The following ZNF420 variants were observed in gnomAD, a reference collection of about 807,000 sequenced individuals.
ZNF420 encodes ATM and p53-associated KZNF protein.
Under a neutral mutation model 44.7 loss-of-function variants are expected in ZNF420, and 31 were observed. The ratio of observed to expected loss-of-function variants is 0.69; its 90% confidence interval spans 0.52 to 0.94. The LOEUF is 0.94. ZNF420 is among the 40% of genes least tolerant of loss of function. ZNF420 has a pLI of 0.00. For missense variants in ZNF420, 681 were observed against 827.9 expected (o/e 0.82, Z 2.18); for synonymous variants, 245 against 267.4 (o/e 0.92, Z 0.82).
chr19:37,117,200 C>T (rs534088352), intron 4 of ZNF420, among the ~76,000 whole-genome samples: 2,594 of 152,276 alleles, frequency 0.017, 78 homozygotes, highest in African/African-American at 0.059. Flanking sequence ...TGGGAGGCAC[C>T]CCCCAGTAGG....
At chr19:37,080,540 G>C (rs1400513046) in intron 2 of ZNF420, among the ~76,000 whole-genome samples, 152 bp downstream of exon 2, 1 of 152,260 alleles carries the variant, frequency 6.6e-6, no homozygotes, top group African/African-American at 2.4e-5. Context: ...GCCATTAATC[G>C]GGATAGATGC....
Position 37,128,269 on chromosome 19 carries a change from A to T in ZNF420, c.1278A>T (p.Lys426Asn). The T allele has an allele frequency of 6.2e-7, 1 of 1,612,882 alleles. No homozygotes were observed. The highest frequency in any genetic ancestry group is 8.5e-7 in the Non-Finnish European group (1 of 1,179,622). The change falls in exon 5 of 5, where the codon AAA becomes AAT. Residue 426 changes from lysine (K) to asparagine (N), a missense_variant. Lys to Asn is a moderately conservative substitution (Grantham distance 94, BLOSUM62 0). Around this residue, in one of 3 missense-constraint regions of ZNF420, gnomAD observed 280 missense variants for 338.6 expected, o/e 0.83. Coordinates refer to ENST00000337995, the MANE Select transcript of ZNF420 (RefSeq NM_144689.5). ...EKPYQCKECGKAFNRGSLLTR... is the reference protein window; with the variant it reads ...EKPYQCKECGNAFNRGSLLTR... ...CCTATCAATGTAAGGAATGTGGAAAAGCGTTTAATCGTGGCTCACTCCTTA... is the reference window on the plus strand; with the variant it reads ...CCTATCAATGTAAGGAATGTGGAAATGCGTTTAATCGTGGCTCACTCCTTA...
intron 1 of ZNF420, among the ~76,000 whole-genome samples, chr19:37,023,570 T>A (rs919041474): frequency 2.6e-5 from 4 of 152,158 alleles, no homozygotes; most frequent in Non-Finnish European, 5.9e-5. Context: ...TTTGCCGTGT[T>A]GGCCAGGCTG....
At chr19:37,091,340 A>G (rs1273283260) in intron 4 of ZNF420, 2 of 330,712 alleles carry the variant, frequency 6.0e-6, no homozygotes, top group African/African-American at 2.2e-5. Flanking sequence ...ATCTTCCCTG[A>G]TGAACAAAGG....
intron 4 of ZNF420, among the ~76,000 whole-genome samples, chr19:37,120,873 A>T (rs1336672373): frequency 6.6e-6 from 1 of 152,184 alleles, no homozygotes. Context: ...TCCCATTCAC[A>T]ATTGCTTCAA....
rs1968985130 is a variant in ZNF420, at chr19:37,089,030, C to T, written c.-80-9C>T. On this transcript the variant is annotated splice_polypyrimidine_tract_variant and intron_variant, in intron 2 of 4. Transcript: ENST00000337995. The stretch of plus-strand genomic sequence containing the variant: ...ACCTGGTCTCATGGTTCTGCTTTCT[C>T]CTCCGTAGCTCTGCATTCTCCAGAC... 2 of 1,173,450 alleles carry T rather than the reference C, an allele frequency of 1.7e-6. No individual in the cohort carries two copies. Among genetic ancestry groups the T allele is most frequent in the Admixed American group, 1.7e-5 (1 of 59,002 alleles). The allele number at this position is 1,173,450 out of a possible 1,614,324, so 72.7% of individuals were successfully genotyped here. A position where few individuals can be genotyped will look rare whatever the true frequency, so the allele number is the denominator to read the frequency against.
chr19:37,101,849 T>G (rs1276484418), intron 4 of ZNF420, among the ~76,000 whole-genome samples: 8 of 152,186 alleles, frequency 5.3e-5, no homozygotes, highest in Non-Finnish European at 1.2e-4. Context: ...AGGTCTCTAA[T>G]TACAGTGAGA....
chr19:37,056,447 A>T (rs1453768095), intron 1 of ZNF420, among the ~76,000 whole-genome samples: 1 of 152,116 alleles, frequency 6.6e-6, no homozygotes, highest in Non-Finnish European at 1.5e-5. Context: ...GACGCCAGTG[A>T]CACGTGTGGT....
chr19:37,043,720 G>A (rs1232101416), intron 1 of ZNF420, among the ~76,000 whole-genome samples: 2 of 152,064 alleles, frequency 1.3e-5, no homozygotes, highest in Admixed American at 1.3e-4. Flanking sequence ...TGATCCGCTG[G>A]CCTCAACCTC....
chr19:37,051,833 T>C (rs1405419416), intron 1 of ZNF420, among the ~76,000 whole-genome samples: 3 of 152,248 alleles, frequency 2.0e-5, no homozygotes, highest in Non-Finnish European at 4.4e-5. Context: ...TTTGGATCTT[T>C]CCTGCTTTCT....
intron 1 of ZNF420, among the ~76,000 whole-genome samples, chr19:37,013,266 T>A (rs1243802030): frequency 6.6e-6 from 1 of 152,114 alleles, no homozygotes; most frequent in Non-Finnish European, 1.5e-5. Flanking sequence ...GCTCACTATT[T>A]TTTAAAGGGG....
At chr19:37,027,396 T>G (rs1287680795) in intron 1 of ZNF420, among the ~76,000 whole-genome samples, 1 of 152,226 alleles carries the variant, frequency 6.6e-6, no homozygotes, top group East Asian at 1.9e-4. Flanking sequence ...TAGTGTGGTA[T>G]ATTTGTATGC....
At chr19:37,084,537 C>T (rs1968650950) in intron 2 of ZNF420, among the ~76,000 whole-genome samples, 1 of 152,050 alleles carries the variant, frequency 6.6e-6, no homozygotes, top group African/African-American at 2.4e-5. Flanking sequence ...GGTTATTTGG[C>T]CTCAAAATGT....
intron 4 of ZNF420, among the ~76,000 whole-genome samples, chr19:37,100,713 C>A (rs79595177): frequency 6.1e-5 from 9 of 146,378 alleles, no homozygotes; most frequent in African/African-American, 1.0e-4. Flanking sequence ...AACTCCATCT[C>A]AAAAAAAAAA....
intron 1 of ZNF420, among the ~76,000 whole-genome samples, chr19:37,060,452 TGCTCTGGCCTCC>T (rs751580058): frequency 8.3e-4 from 127 of 152,322 alleles, no homozygotes; most frequent in Non-Finnish European, 1.3e-3. Flanking sequence ...CTCTGGCCTC[TGCTCTGGCCTCC>T]CTCTTGCTCT....
intron 4 of ZNF420, among the ~76,000 whole-genome samples, chr19:37,117,334 C>G (rs991789177): frequency 1.3e-5 from 2 of 152,040 alleles, no homozygotes; most frequent in African/African-American, 4.8e-5. Context: ...GTTCTGCAGC[C>G]ACTGCTGCTG....
rs567046475 is a variant in ZNF420 at position 37,116,826 on chromosome 19, G to A, written c.137-10302G>A. ...ATTATATCCCACACCTAGCTCAGAG[G>A]GTCCTATGCCCATGGAGTCTCACTG... is the stretch of plus-strand genomic sequence containing the variant. On this transcript the variant is annotated intron_variant, in intron 4 of 4. Coordinates refer to ENST00000337995, the MANE Select transcript of ZNF420 (RefSeq NM_144689.5). 2.6e-5 allele frequency among the ~76,000 whole-genome samples: 4 copies of A among 152,290 alleles called. No homozygotes were observed. The South Asian group carries it at 6.2e-4, about 24-fold the overall frequency.
intron 4 of ZNF420, among the ~76,000 whole-genome samples, chr19:37,120,591 C>A (rs925793593): frequency 6.6e-5 from 10 of 152,148 alleles, no homozygotes; most frequent in African/African-American, 2.4e-4. Context: ...TCTCACCACT[C>A]CTATTCAACA....
intron 1 of ZNF420, among the ~76,000 whole-genome samples, chr19:37,067,074 C>T (rs982673759): frequency 1.3e-5 from 2 of 152,114 alleles, no homozygotes; most frequent in Non-Finnish European, 2.9e-5. Flanking sequence ...CCCAATTATA[C>T]GAAGTTCTAG....
Sources: allele counts gnomAD v4.1 joint callset (sites outside exome capture counted in the v4.1 genomes callset), GRCh38; gene constraint gnomAD v4.1.1; regional missense constraint gnomAD v4.1.1; transcripts MANE v1.5; gene names NCBI Gene and HGNC (gene_info 2026-07-23, HGNC 2026-07-21).